Variants in GSDMD observed in about 807,000 individuals in gnomAD.
GSDMD encodes gasdermin D, also known as gasdermin-D.
A neutral mutation model predicts 46.7 loss-of-function variants in GSDMD; 46 were observed. The ratio of observed to expected loss-of-function variants is 0.99; its 90% CI spans 0.78 to 1.26. GSDMD has a LOEUF of 1.26. Ranked by LOEUF, GSDMD falls within the 50% of genes most tolerant of loss-of-function variation. The pLI, the probability that GSDMD is intolerant of heterozygous loss-of-function variation, is 0.00. For synonymous variants in GSDMD, 307 were observed against 283.1 expected, an observed-to-expected ratio of 1.08 and a Z score of -0.85; for missense variants, 649 against 638.8, an observed-to-expected ratio of 1.02 and a Z score of -0.17.
At chr8:143,560,883 T>C (rs1251283622) in intron 4 of GSDMD, 112 bp downstream of exon 4, 2 of 1,424,734 alleles carry the variant, frequency 1.4e-6, no homozygotes, top group Middle Eastern at 2.0e-4. Context: ...CTCCCAGCCC[T>C]GCGCTTGGCT....
chr8:143,558,221 TTCCTCC>T, upstream of GSDMD: 1 of 1,187,422 alleles, frequency 8.4e-7, no homozygotes, highest in South Asian at 1.6e-5. Flanking sequence ...CAAGCCAAGG[TTCCTCC>T]GGACGCGCGA....
upstream of GSDMD, chr8:143,558,207 G>A: frequency 1.4e-5 from 14 of 983,824 alleles, no homozygotes; most frequent in South Asian, 1.7e-5. Context: ...CCAGGATGGG[G>A]CGCCAAGCCA....
chr8:143,558,259 G>A, upstream of GSDMD: 1 of 1,433,282 alleles, frequency 7.0e-7, no homozygotes, highest in Non-Finnish European at 9.1e-7. Context: ...CAGGCGGGCT[G>A]GCGGGAAGAG....
Position 143,560,278 on chromosome 8 carries a change from G to T in GSDMD, c.410+309G>T, listed in dbSNP as rs1438338114. Reference sequence around the variant, plus strand: ...AGCTTGCAGGAAGGAAGCTGCAGGGGTCATCTGGGGCCTCCGCTGCCAGGA... The same window carrying T: ...AGCTTGCAGGAAGGAAGCTGCAGGGTTCATCTGGGGCCTCCGCTGCCAGGA... On this transcript the variant is annotated intron_variant, in intron 3 of 10. Transcript: ENST00000262580. The T allele has an allele frequency of 1.3e-5, 9 of 687,156 alleles. No individual in the cohort carries two copies. The Admixed American group carries it at 1.8e-4, about 14-fold the overall frequency. 42.6% of individuals were successfully genotyped at this position (687,156 alleles called of 1,614,324 possible).
At chr8:143,557,354 T>TGACGAAGGATGATGCCGCTA (rs1563902663), upstream of GSDMD, among the ~76,000 whole-genome samples, 4 of 57,700 alleles carry the variant, frequency 6.9e-5, no homozygotes, top group African/African-American at 2.1e-4. Flanking sequence ...TGCTGCCGCT[T>TGACGAAGGATGATGCCGCTA]TGGCGAAGGA....
Position 143,560,098 on chromosome 8 carries a change from T to A in GSDMD, c.410+129T>A, listed in dbSNP as rs561523600. 6.6e-4 allele frequency: 588 copies of A among 897,216 alleles called. 1 individual carries two copies. The African/African-American group carries it at 9.0e-3, about 14-fold the overall frequency. 55.6% of individuals were successfully genotyped at this position (897,216 alleles called of 1,614,324 possible). A position where few individuals can be genotyped will look rare whatever the true frequency, so the allele number is the denominator to read the frequency against. On this transcript the variant is annotated intron_variant, in intron 3 of 10. Transcript: ENST00000262580. ...TATCTCGGCCAGGGTGGTCTTGAACTCCTGGCCTCAAGCAGTCCTCCTGCC... is the reference window on the plus strand; with the variant it reads ...TATCTCGGCCAGGGTGGTCTTGAACACCTGGCCTCAAGCAGTCCTCCTGCC...
rs762614610 is a variant in GSDMD at position 143,559,901 on chromosome 8, C to T, written c.342C>T (p.Ser114=). 4 of 1,612,820 alleles carry T rather than the reference C, an allele frequency of 2.5e-6. No individual in the cohort carries two copies. The South Asian group carries it at 3.3e-5, about 13-fold the overall frequency. ...IAGGAAVSDS[S]STSMNVYSLS... is the part of the protein sequence containing the mutation. The stretch of plus-strand genomic sequence containing the variant: ...GCGGGGCCGCGGTGTCTGACAGCTC[C>T]AGCACCTCAATGAATGTGTACTCGC... Residue 114 remains serine (S), a synonymous_variant, in exon 3 of 11, where the codon TCC becomes TCT. Coordinates refer to ENST00000262580, the MANE Select transcript of GSDMD (RefSeq NM_024736.7).
At chr8:143,560,021 C>G in intron 3 of GSDMD, 52 bp downstream of exon 3, 1 of 1,450,638 alleles carries the variant, frequency 6.9e-7, no homozygotes, top group Non-Finnish European at 9.6e-7. Context: ...CCCAAGCAAC[C>G]CTGCTTTTAT....
Position 143,559,579 on chromosome 8 carries a change from C to A in GSDMD, c.217+27C>A, listed in dbSNP as rs771255272. 27 of 1,598,254 alleles carry A rather than the reference C, an allele frequency of 1.7e-5. No homozygotes were observed. The South Asian group carries it at 3.0e-4, about 18-fold the overall frequency. ...TGCCTGATGTGGTGCTGAGGCAGAG[C>A]CCCAGGGAGGCTGGATGGGAGAGGG... On this transcript the variant is annotated intron_variant, in intron 2 of 10. Transcript: ENST00000262580.
At chr8:143,559,309 C>T in intron 1 of GSDMD, 23 bp from the exon 2 acceptor site, 1 of 613,376 alleles carries the variant, frequency 1.6e-6, no homozygotes, top group Non-Finnish European at 2.9e-6. Flanking sequence ...GAGCACAATG[C>T]CTGACCCATT....
In GSDMD at chr8:143,562,857, T is replaced by C. The variant is rs1823502729; in HGVS notation, c.1408T>C (p.Tyr470His). 3 of 1,612,426 alleles carry C rather than the reference T, an allele frequency of 1.9e-6. No individual in the cohort carries two copies. Among genetic ancestry groups the C allele is most frequent in the Middle Eastern group, 3.4e-4 (2 of 5,846 alleles). ...PQAQGRMCAL[Y>H]ASLALLSGLS... ...GGCCCAGGGCCGCATGTGTGCACTC[T>C]ACGCCTCCCTGGCACTGCTATCAGG... is the stretch of plus-strand genomic sequence containing the variant. Residue 470 changes from tyrosine (Y) to histidine (H), a missense_variant, in exon 11 of 11, where the codon TAC becomes CAC. Tyr to His is a moderately conservative substitution (Grantham distance 83). Coordinates refer to ENST00000262580, the MANE Select transcript of GSDMD (RefSeq NM_024736.7).
At chr8:143,554,833 G>C (rs1823273979), upstream of GSDMD, among the ~76,000 whole-genome samples, 1 of 152,230 alleles carries the variant, frequency 6.6e-6, no homozygotes, top group Non-Finnish European at 1.5e-5. Flanking sequence ...GGCTCCTGGA[G>C]CCTCCTGCTA....
intron 4 of GSDMD, 33 bp from the exon 5 acceptor site, chr8:143,560,969 G>A: frequency 6.2e-7 from 1 of 1,600,250 alleles, no homozygotes; most frequent in Non-Finnish European, 8.5e-7. Context: ...CCCGGTGCCA[G>A]GGCCCAGCCC....
chr8:143,558,591 C>A (rs1823368109), intron 1 of GSDMD, 140 bp downstream of exon 1: 1 of 882,576 alleles, frequency 1.1e-6, no homozygotes, highest in Non-Finnish European at 1.6e-6. Context: ...GGGGCGGAAG[C>A]TCCAGGCTTC....
chr8:143,559,748 G>A, intron 2 of GSDMD, 29 bp from the exon 3 acceptor site: 1 of 1,562,540 alleles, frequency 6.4e-7, no homozygotes, highest in East Asian at 2.2e-5. Context: ...GGGGCGCTGG[G>A]CACAGCCTCA....
chr8:143,558,496 G>T, intron 1 of GSDMD, 45 bp downstream of exon 1: 1 of 1,408,842 alleles, frequency 7.1e-7, no homozygotes, highest in Admixed American at 3.2e-5. Flanking sequence ...TGGAGCTCCC[G>T]AGTGGGGCCG....
chr8:143,554,546 G>A (rs916745276), upstream of GSDMD, among the ~76,000 whole-genome samples: 2 of 148,174 alleles, frequency 1.3e-5, no homozygotes, highest in African/African-American at 5.0e-5. Context: ...CACACAACAC[G>A]CACGTGCATA....
In GSDMD at chr8:143,558,403, G is replaced by A. The variant is rs906573699; in HGVS notation, c.-53G>A. 1.3e-5 allele frequency: 20 copies of A among 1,514,850 alleles called. No individual in the cohort carries two copies. The highest frequency in any genetic ancestry group is 1.8e-5 in the Non-Finnish European group (20 of 1,138,204). The allele number at this position is 1,514,850 out of a possible 1,614,324, so 93.8% of individuals were successfully genotyped here. A position where few individuals can be genotyped will look rare whatever the true frequency, so the allele number is the denominator to read the frequency against. ...CTCCTGCTCGCCGGACGGCTCCCAG[G>A]GAGAGCAGACGCGCCAGACGCGCCA... On this transcript the variant is annotated 5_prime_UTR_variant, in exon 1 of 11. Coordinates refer to ENST00000262580, the MANE Select transcript of GSDMD (RefSeq NM_024736.7).
Position 143,558,417 on chromosome 8 carries a change from C to T in GSDMD, c.-39C>T, listed in dbSNP as rs1823361835. ...ACGGCTCCCAGGGAGAGCAGACGCG[C>T]CAGACGCGCCACCCTCGGGGCGCCG... On this transcript the variant is annotated 5_prime_UTR_variant, in exon 1 of 11. Transcript: ENST00000262580. The T allele has an allele frequency of 6.6e-7, 1 of 1,507,328 alleles. No homozygotes were observed. Among genetic ancestry groups the T allele is most frequent in the African/African-American group, 1.4e-5 (1 of 69,616 alleles). The allele number at this position is 1,507,328 out of a possible 1,614,324, so 93.4% of individuals were successfully genotyped here.
Sources: allele counts gnomAD v4.1 joint callset (sites outside exome capture counted in the v4.1 genomes callset), GRCh38; gene constraint gnomAD v4.1.1; transcripts MANE v1.5; gene names NCBI Gene and HGNC (gene_info 2026-07-23, HGNC 2026-07-21).